The following GTPBP10 variants were observed in gnomAD, a reference collection of about 807,000 sequenced individuals.
GTPBP10 encodes GTP-binding protein 10.
Under a neutral mutation model 44.8 loss-of-function variants are expected in GTPBP10, and 38 were observed. That is an observed-to-expected ratio of 0.85 (90% CI 0.65 to 1.11). The LOEUF is 1.11. GTPBP10 is among the 50% of genes most tolerant of loss of function. GTPBP10 has a pLI of 0.00. For missense variants in GTPBP10, 462 were observed against 453.7 expected (o/e 1.02, Z -0.17); for synonymous variants, 152 against 150.6 (o/e 1.01, Z -0.07).
At chr7:90,366,107 A>G (rs1317591867) in intron 4 of GTPBP10, among the ~76,000 whole-genome samples, 1 of 152,220 alleles carries the variant, frequency 6.6e-6, no homozygotes, top group Non-Finnish European at 1.5e-5. Flanking sequence ...CATCCCAAGG[A>G]TGAAGCCAAC....
chr7:90,372,940 G>C (rs1021639817), intron 5 of GTPBP10, among the ~76,000 whole-genome samples: 9 of 152,278 alleles, frequency 5.9e-5, no homozygotes, highest in South Asian at 2.1e-4. Context: ...AAATATAAGG[G>C]AATATGAAAG....
At position 90,378,105 on chromosome 7, in the gene GTPBP10, G is replaced by T. The variant is rs767322124; in HGVS notation, c.700-29G>T. 23 of 1,589,794 alleles carry T rather than the reference G, an allele frequency of 1.4e-5. 1 individual carries two copies. The South Asian group carries it at 2.3e-4, about 16-fold the overall frequency. ...GTATAGCTATTCTTCGTATGTTAAA[G>T]GCTGTCTCTTTCCTTCTCTTTTTTT... is the stretch of plus-strand genomic sequence containing the variant. On this transcript the variant is annotated intron_variant, in intron 7 of 9. Coordinates refer to ENST00000222511, the MANE Select transcript of GTPBP10 (RefSeq NM_033107.4).
At chr7:90,374,225 A>G (rs1243952287) in intron 5 of GTPBP10, 77 bp from the exon 6 acceptor site, 1 of 946,596 alleles carries the variant, frequency 1.1e-6, no homozygotes, top group Admixed American at 1.9e-5. Flanking sequence ...TTGTTTATGC[A>G]TAATACCAAG....
At chr7:90,360,366 A>G (rs1206925605) in intron 4 of GTPBP10, among the ~76,000 whole-genome samples, 4 of 152,216 alleles carry the variant, frequency 2.6e-5, no homozygotes, top group Non-Finnish European at 5.9e-5. Flanking sequence ...ATGGCTAGCC[A>G]GTTTTCCCAG....
intron 8 of GTPBP10, 114 bp from the exon 9 acceptor site, chr7:90,382,842 T>C: frequency 1.7e-6 from 1 of 586,768 alleles, no homozygotes; most frequent in Middle Eastern, 4.1e-4. Flanking sequence ...TTGGGATTTA[T>C]TGCATTTCGG....
Position 90,385,072 on chromosome 7 carries a change from A to C in GTPBP10, c.1082A>C (p.Asn361Thr). Residue 361 changes from asparagine to threonine, a missense_variant, in exon 10 of 10, where the codon AAT becomes ACT. Asn to Thr is a moderately conservative substitution (Grantham distance 65). Coordinates refer to ENST00000222511, the MANE Select transcript of GTPBP10 (RefSeq NM_033107.4). ...GCACTTCATAAGAAACAGTTGCTTA[A>C]TTTGTGGATTTCTGATACAATGTCT... ...NDALHKKQLLNLWISDTMSST... is the reference protein window; with the variant it reads ...NDALHKKQLLTLWISDTMSST... 6.2e-7 allele frequency: 1 copy of C among 1,613,714 alleles called. No homozygotes were observed. The highest frequency in any genetic ancestry group is 8.5e-7 in the Non-Finnish European group (1 of 1,179,686).
chr7:90,376,094 G>T (rs1796341540), intron 6 of GTPBP10, among the ~76,000 whole-genome samples: 1 of 151,804 alleles, frequency 6.6e-6, no homozygotes, highest in Non-Finnish European at 1.5e-5. Context: ...AATTAGATGG[G>T]TGTGGTGGTG....
intron 3 of GTPBP10, 57 bp from the exon 4 acceptor site, chr7:90,355,029 C>T: frequency 9.2e-7 from 1 of 1,090,002 alleles, no homozygotes; most frequent in Non-Finnish European, 1.3e-6. Flanking sequence ...AAATATATTG[C>T]ATTAGTGATT....
chr7:90,380,662 A>G (rs1029330923), intron 8 of GTPBP10, among the ~76,000 whole-genome samples: 1 of 152,216 alleles, frequency 6.6e-6, no homozygotes, highest in African/African-American at 2.4e-5. Flanking sequence ...TGTTGAGAAT[A>G]TTTAAAATCT....
chr7:90,372,543 C>T (rs1439942241), intron 5 of GTPBP10, among the ~76,000 whole-genome samples: 1 of 144,732 alleles, frequency 6.9e-6, no homozygotes, highest in Admixed American at 7.2e-5. Flanking sequence ...GTCTTGAACT[C>T]CTAGGCTCAA....
intron 2 of GTPBP10, 128 bp downstream of exon 2, chr7:90,353,137 A>G: frequency 1.7e-6 from 1 of 591,746 alleles, no homozygotes; most frequent in Non-Finnish European, 2.9e-6. Flanking sequence ...TAACCAAGCA[A>G]AAGCCTAAAA....
At chr7:90,383,435 G>T (rs1796466847) in intron 9 of GTPBP10, among the ~76,000 whole-genome samples, 1 of 152,182 alleles carries the variant, frequency 6.6e-6, no homozygotes, top group Non-Finnish European at 1.5e-5. Context: ...TACTTCACAA[G>T]CTCTTCATTC....
At chr7:90,374,776 C>T (rs889315525) in intron 6 of GTPBP10, among the ~76,000 whole-genome samples, 2 of 151,824 alleles carry the variant, frequency 1.3e-5, no homozygotes, top group African/African-American at 2.4e-5. Flanking sequence ...TTTTTTCCTT[C>T]ACAAGTAACA....
rs1273388392 is a variant in GTPBP10, at chr7:90,389,744, AAAAT to A, written c.*4594_*4597del. On this transcript the variant is annotated 3_prime_UTR_variant, in exon 10 of 10. Transcript: ENST00000222511. ...ATTTTAATTAAAAGTTAAGCAGTGA[AAAAT>A]AAACATCTTTTTTTCTTAAAGAGAT... The A allele has an allele frequency of 1.6e-4, 25 of 152,320 alleles. No individual in the cohort carries two copies. The highest frequency in any genetic ancestry group is 6.0e-4 in the African/African-American group (25 of 41,562). 9.4% of individuals were successfully genotyped at this position (152,320 alleles called of 1,614,324 possible).
chr7:90,351,209 C>T (rs1271089227), intron 1 of GTPBP10, among the ~76,000 whole-genome samples: 1 of 152,200 alleles, frequency 6.6e-6, no homozygotes, highest in African/African-American at 2.4e-5. Context: ...CATTTGCTTA[C>T]ATTTCTCTTG....
At position 90,361,049 on chromosome 7, in the gene GTPBP10, T is replaced by G. The variant is rs556916181; in HGVS notation, c.464+5819T>G. On this transcript the variant is annotated intron_variant, in intron 4 of 9. Transcript: ENST00000222511. The stretch of plus-strand genomic sequence containing the variant: ...AGATTCTGGGCTGAGACGATGGTGT[T>G]TTCTAAATATACAATCTTGTCATCT... Among the ~76,000 whole-genome samples the G allele has an allele frequency of 1.2e-4, 19 of 152,308 alleles. No homozygotes were observed. In the South Asian group the frequency reaches 3.9e-3, roughly 32 times the overall value.
intron 4 of GTPBP10, among the ~76,000 whole-genome samples, chr7:90,369,730 T>C (rs2115712367): frequency 6.6e-6 from 1 of 152,254 alleles, no homozygotes; most frequent in East Asian, 1.9e-4. Flanking sequence ...CTGTCACGAC[T>C]TCCCTTGGCT....
rs927571502 is a variant in GTPBP10 at position 90,387,728 on chromosome 7, A to G, written c.*2574A>G. 1.3e-5 allele frequency: 2 copies of G among 152,226 alleles called. No homozygotes were observed. The highest frequency in any genetic ancestry group is 2.9e-5 in the Non-Finnish European group (2 of 68,052). The allele number at this position is 152,226 out of a possible 1,614,324, so 9.4% of individuals were successfully genotyped here. On this transcript the variant is annotated 3_prime_UTR_variant, in exon 10 of 10. Coordinates refer to ENST00000222511, the MANE Select transcript of GTPBP10 (RefSeq NM_033107.4). ...AACAGACAGGACCTACTGTCCTTGT[A>G]TATCTTGCCTTTGATAACAGAAACT...
Position 90,354,479 on chromosome 7 carries a change from C to A in GTPBP10, c.249C>A (p.Ser83=). ...GTAGAATTAGTGCACTGAAAGGCTC[C>A]AAAGGAAAAGACTGTGAAATCCCTG... The part of the protein sequence containing the change: ...ANSKISALKG[S]KGKDCEIPVP... Residue 83 remains serine (S), a synonymous_variant, in exon 3 of 10, where the codon TCC becomes TCA. Coordinates refer to ENST00000222511, the MANE Select transcript of GTPBP10 (RefSeq NM_033107.4). The A allele has an allele frequency of 6.3e-7, 1 of 1,582,510 alleles. No homozygotes were observed. Among genetic ancestry groups the A allele is most frequent in the Admixed American group, 1.8e-5 (1 of 54,318 alleles).
Sources: allele counts gnomAD v4.1 joint callset (sites outside exome capture counted in the v4.1 genomes callset), GRCh38; gene constraint gnomAD v4.1.1; transcripts MANE v1.5; gene names NCBI Gene and HGNC (gene_info 2026-07-23, HGNC 2026-07-21).